The following SLC2A7 variants were observed in gnomAD, a reference collection of about 807,000 sequenced individuals.
The protein encoded by SLC2A7 is solute carrier family 2, facilitated glucose transporter member 7.
In SLC2A7, 50 loss-of-function variants were observed where a neutral mutation model predicts 50.5. The observed-to-expected ratio is 0.99, with a 90% CI of 0.79 to 1.25. The LOEUF is 1.25. Ranked by LOEUF, SLC2A7 falls within the 50% of genes most tolerant of loss-of-function variation. SLC2A7 has a pLI of 0.00. For synonymous variants in SLC2A7, 308 were observed against 300.4 expected (o/e 1.03, Z -0.26); for missense variants, 683 against 679.1 (o/e 1.01, Z -0.06).
chr1:9,006,462 G>A (rs189974196), intron 10 of SLC2A7, among the ~76,000 whole-genome samples: 1 of 151,042 alleles, frequency 6.6e-6, no homozygotes, highest in East Asian at 1.9e-4. Context: ...TGGCTAGGCT[G>A]GTCTCGAACT....
Position 9,024,983 on chromosome 1 carries a change from G to GTGCCCACCTTGTGCT in SLC2A7, c.142_143insAGCACAAGGTGGGCA (p.Pro48delinsGlnHisLysValGlyThr). 1 of 1,513,274 alleles carries GTGCCCACCTTGTGCT rather than the reference G, an allele frequency of 6.6e-7. No individual in the cohort carries two copies. Among genetic ancestry groups the GTGCCCACCTTGTGCT allele is most frequent in the South Asian group, 1.2e-5 (1 of 85,312 alleles). The allele number at this position is 1,513,274 out of a possible 1,614,324, so 93.7% of individuals were successfully genotyped here. On this transcript the variant is annotated protein_altering_variant, in exon 2 of 12. Coordinates refer to ENST00000400906, the MANE Select transcript of SLC2A7 (RefSeq NM_207420.3). ...TGCCCACCTTGTGCCCACCTTGTGC[G>GTGCCCACCTTGTGCT]GCGTGTTGACCACAGAGAGGTTGTA... is the stretch of plus-strand genomic sequence containing the variant.
chr1:9,010,314 C>T (rs1640728042), intron 8 of SLC2A7, 70 bp from the exon 9 acceptor site: 1 of 1,299,426 alleles, frequency 7.7e-7, no homozygotes, highest in Non-Finnish European at 1.1e-6. Context: ...CGAGCCTCCA[C>T]TTCCTTTTGT....
chr1:9,000,805 A>G (rs1432568961), downstream of SLC2A7, among the ~76,000 whole-genome samples: 3 of 138,398 alleles, frequency 2.2e-5, no homozygotes, highest in Non-Finnish European at 3.1e-5. Context: ...CCCCTGCCCC[A>G]TCACCCCCAG....
At chr1:9,005,868 A>C (rs1488322576) in intron 10 of SLC2A7, among the ~76,000 whole-genome samples, 3 of 152,010 alleles carry the variant, frequency 2.0e-5, no homozygotes. Context: ...AAAGCCCCTG[A>C]ATGAAGCTGG....
At chr1:9,026,025 C>T (rs1640994786) in intron 1 of SLC2A7, among the ~76,000 whole-genome samples, 1 of 152,150 alleles carries the variant, frequency 6.6e-6, no homozygotes, top group Admixed American at 6.5e-5. Context: ...GTAGGGGAAG[C>T]GGAGGGGAGC....
intron 11 of SLC2A7, 30 bp from the exon 12 acceptor site, chr1:9,003,548 G>A (rs768412474): frequency 1.7e-5 from 27 of 1,598,636 alleles, no homozygotes; most frequent in Middle Eastern, 1.7e-4. Context: ...AGACAGGAGG[G>A]GGCAGAGAAA....
chr1:9,013,926 T>C (rs1200995217), intron 7 of SLC2A7, among the ~76,000 whole-genome samples: 1 of 152,166 alleles, frequency 6.6e-6, no homozygotes, highest in Non-Finnish European at 1.5e-5. Context: ...TTTCCCTCCA[T>C]CATTCAGTTA....
chr1:9,001,823 G>A (rs978332345), downstream of SLC2A7, among the ~76,000 whole-genome samples: 1 of 152,040 alleles, frequency 6.6e-6, no homozygotes, highest in African/African-American at 2.4e-5. Context: ...CCCCTGTTGT[G>A]GGGGGAAGAA....
At position 9,021,391 on chromosome 1, in the gene SLC2A7, T is replaced by C. The variant is rs551828762; in HGVS notation, c.311+1527A>G. ...CACACCCCTACAGGTCTGGGGGTGA[T>C]GAAGCTGTCAGCAGCCCCAGGACTA... On this transcript the variant is annotated intron_variant, in intron 3 of 11. Transcript: ENST00000400906. 7.9e-5 allele frequency among the ~76,000 whole-genome samples: 12 copies of C among 152,214 alleles called. No individual in the cohort carries two copies. In the South Asian group the frequency reaches 2.5e-3, roughly 32 times the overall value.
chr1:9,024,258 T>G (rs1412221850), intron 2 of SLC2A7, among the ~76,000 whole-genome samples: 1 of 152,204 alleles, frequency 6.6e-6, no homozygotes, highest in Non-Finnish European at 1.5e-5. Context: ...AAGATGTACC[T>G]TATAAAGAAT....
chr1:9,017,751 C>T (rs1321162144), intron 5 of SLC2A7, among the ~76,000 whole-genome samples: 1 of 152,158 alleles, frequency 6.6e-6, no homozygotes, highest in African/African-American at 2.4e-5. Context: ...AAATCTCCAC[C>T]ACGACCCCCA....
chr1:9,023,797 C>T (rs1040507270), intron 2 of SLC2A7, among the ~76,000 whole-genome samples: 13 of 144,118 alleles, frequency 9.0e-5, no homozygotes, highest in African/African-American at 2.0e-4. Context: ...GAGAGACTTA[C>T]GACTTACTCT....
chr1:9,001,500 C>G (rs1415024388), downstream of SLC2A7, among the ~76,000 whole-genome samples: 1 of 150,290 alleles, frequency 6.7e-6, no homozygotes, highest in Non-Finnish European at 1.5e-5. Context: ...CTCATTGCAA[C>G]CTCTGCCTCT....
In SLC2A7 at chr1:9,010,152, G is replaced by C. The variant is rs1232503373; in HGVS notation, c.1107C>G (p.Leu369=). Residue 369 remains leucine, a synonymous_variant, in exon 9 of 12, where the codon CTC becomes CTG. Coordinates refer to ENST00000400906, the MANE Select transcript of SLC2A7 (RefSeq NM_207420.3). ...GGAAATGAGGTCAGACCTGGAATAG[G>C]AGCACCACCGTCAGCACCAGGCAGG... The part of the protein sequence containing the change: ...GSACLVLTVV[L]LFQNRVPELS... 5.2e-6 allele frequency: 8 copies of C among 1,552,458 alleles called. No homozygotes were observed. Among genetic ancestry groups the C allele is most frequent in the Non-Finnish European group, 6.1e-6 (7 of 1,147,502 alleles).
At chr1:8,993,782 C>T in the SLC2A7 span, among the ~76,000 whole-genome samples, 1 of 152,134 alleles carries the variant, frequency 6.6e-6, no homozygotes, top group Admixed American at 6.5e-5. Flanking sequence ...TGTGCGTCAC[C>T]ATGCCCGGCT....
chr1:8,996,982 TG>T, the SLC2A7 span, among the ~76,000 whole-genome samples: 3 of 152,142 alleles, frequency 2.0e-5, no homozygotes, highest in African/African-American at 7.2e-5. Flanking sequence ...TTCACCATGT[TG>T]GTCAGACTGG....
intron 5 of SLC2A7, among the ~76,000 whole-genome samples, chr1:9,015,787 G>A (rs1427603492): frequency 1.3e-5 from 2 of 150,218 alleles, no homozygotes; most frequent in Non-Finnish European, 3.0e-5. Context: ...GCAATGGTGC[G>A]ATCATAGCCC....
At chr1:9,025,163 C>G (rs1202267945) in intron 1 of SLC2A7, 89 bp from the exon 2 acceptor site, 1 of 1,367,386 alleles carries the variant, frequency 7.3e-7, no homozygotes, top group African/African-American at 1.4e-5. Flanking sequence ...CCAGCCTGGG[C>G]TGGAAGTGGG....
chr1:9,019,309 G>A lies in SLC2A7; in HGVS notation c.336C>T (p.Asn112=), dbSNP rs373588236. 1.2e-6 allele frequency: 2 copies of A among 1,614,000 alleles called. No homozygotes were observed. The highest frequency in any genetic ancestry group is 1.3e-5 in the African/African-American group (1 of 74,944). Residue 112 remains asparagine (N), a synonymous_variant, in exon 4 of 12, where the codon AAC becomes AAT. Coordinates refer to ENST00000400906, the MANE Select transcript of SLC2A7 (RefSeq NM_207420.3). ...CGRKGTLLIN[N]IFAIIPAILM... ...GGATGGCGGGGATGATGGCAAAGATGTTGTTGATCAGCAGGGTCCCCTTTC... is the reference window on the plus strand; with the variant it reads ...GGATGGCGGGGATGATGGCAAAGATATTGTTGATCAGCAGGGTCCCCTTTC...
Sources: allele counts gnomAD v4.1 joint callset (sites outside exome capture counted in the v4.1 genomes callset), GRCh38; gene constraint gnomAD v4.1.1; transcripts MANE v1.5; gene names NCBI Gene and HGNC (gene_info 2026-07-23, HGNC 2026-07-21).